LINGO2: variants seen among roughly 807,000 people sequenced by gnomAD.
LINGO2 encodes the protein leucine rich repeat and Ig domain containing 2.
Under a neutral mutation model 30.6 loss-of-function variants are expected in LINGO2, and 14 were observed. The ratio of observed to expected loss-of-function variants is 0.46; its 90% CI spans 0.30 to 0.72. The LOEUF (loss-of-function observed/expected upper bound fraction) is 0.72. LINGO2 is among the 30% of genes least tolerant of loss of function. The pLI is 0.07. For missense variants in LINGO2, 729 were observed against 751.7 expected (o/e 0.97, Z 0.35); for synonymous variants, 317 against 288.5 (o/e 1.10, Z -1.00).
At chr9:28,145,212 A>G (rs1019331262) in intron 4 of LINGO2, among the ~76,000 whole-genome samples, 1 of 152,196 alleles carries the variant, frequency 6.6e-6, no homozygotes, top group Non-Finnish European at 1.5e-5. Context: ...GGAAGCTTTA[A>G]GGGTTACTAG....
the LINGO2 span, among the ~76,000 whole-genome samples, chr9:28,993,307 C>T: frequency 6.6e-6 from 1 of 152,116 alleles, no homozygotes; most frequent in South Asian, 2.1e-4. Flanking sequence ...CCTCCCAAGA[C>T]TAAACCAGGA....
chr9:28,582,400 T>C (rs1996774), intron 1 of LINGO2, among the ~76,000 whole-genome samples: 89,178 of 151,946 alleles, frequency 0.59, 26,570 homozygotes, highest in East Asian at 0.69. Context: ...GTGGCCATGC[T>C]TCTGAAAATC....
At chr9:28,799,744 G>C in the LINGO2 span, among the ~76,000 whole-genome samples, 5 of 152,182 alleles carry the variant, frequency 3.3e-5, no homozygotes, top group South Asian at 4.1e-4. Context: ...AAGTGAGGCA[G>C]ATAAAAAGCA....
chr9:27,965,873 A>C (rs1820076602), intron 5 of LINGO2, among the ~76,000 whole-genome samples: 1 of 152,134 alleles, frequency 6.6e-6, no homozygotes, highest in Non-Finnish European at 1.5e-5. Context: ...ATGCGACACA[A>C]AATGACCCTA....
intron 1 of LINGO2, among the ~76,000 whole-genome samples, chr9:28,529,606 CTTT>C (rs201066699): frequency 7.2e-5 from 9 of 125,260 alleles, no homozygotes; most frequent in Admixed American, 1.6e-4. Context: ...ATTGCAAATA[CTTT>C]TTTTTTTTTT....
the LINGO2 span, among the ~76,000 whole-genome samples, chr9:29,156,013 G>A: frequency 1.3e-5 from 2 of 152,050 alleles, no homozygotes; most frequent in East Asian, 3.9e-4. Flanking sequence ...AACATTCCAG[G>A]AGAAGTGATA....
the LINGO2 span, chr9:27,940,863 C>T: frequency 6.6e-6 from 1 of 152,158 alleles, no homozygotes. Flanking sequence ...TTATCTTCTT[C>T]CCATTGTTTA....
At chr9:28,126,633 C>G (rs759268440) in intron 4 of LINGO2, among the ~76,000 whole-genome samples, 3 of 152,214 alleles carry the variant, frequency 2.0e-5, no homozygotes, top group Non-Finnish European at 2.9e-5. Context: ...CTCAAAGAAA[C>G]AGGCAATCAT....
chr9:28,735,072 G>A, the LINGO2 span, among the ~76,000 whole-genome samples: 2 of 151,902 alleles, frequency 1.3e-5, no homozygotes, highest in African/African-American at 2.4e-5. Context: ...TTTATCTTCT[G>A]CAATATGTTT....
At chr9:29,164,138 A>G in the LINGO2 span, among the ~76,000 whole-genome samples, 2 of 151,898 alleles carry the variant, frequency 1.3e-5, no homozygotes, top group African/African-American at 4.8e-5. Context: ...CTCACCCACA[A>G]CCCTAGCTGA....
the LINGO2 span, among the ~76,000 whole-genome samples, chr9:28,934,003 T>A: frequency 6.6e-6 from 1 of 152,168 alleles, no homozygotes; most frequent in Non-Finnish European, 1.5e-5. Context: ...GACATAAGGA[T>A]GTGGGAATCC....
At chr9:28,036,034 GT>G (rs1194778771) in intron 4 of LINGO2, among the ~76,000 whole-genome samples, 1 of 152,156 alleles carries the variant, frequency 6.6e-6, no homozygotes, top group Non-Finnish European at 1.5e-5. Context: ...ATTTAGCAAA[GT>G]GCTTTGAGAT....
chr9:28,189,285 GAGGGAGGAAGGAAGGA>G (rs1819669417), intron 4 of LINGO2, among the ~76,000 whole-genome samples: 7 of 28,144 alleles, frequency 2.5e-4, no homozygotes, highest in Admixed American at 5.3e-4. Flanking sequence ...GGGAGGGAGG[GAGGGAGGAAGGAAGGA>G]AGGGAGGAAG....
chr9:28,132,473 G>T (rs1177450882), intron 4 of LINGO2, among the ~76,000 whole-genome samples: 1 of 152,186 alleles, frequency 6.6e-6, no homozygotes, highest in Admixed American at 6.5e-5. Context: ...GATACCAGGA[G>T]TTATAGCTGT....
intron 1 of LINGO2, among the ~76,000 whole-genome samples, chr9:28,517,753 T>C (rs1820677397): frequency 6.6e-6 from 1 of 152,094 alleles, no homozygotes; most frequent in African/African-American, 2.4e-5. Context: ...GGCACAGGCT[T>C]AGGGCTGCTT....
chr9:28,262,845 A>C (rs1412424933), intron 4 of LINGO2, among the ~76,000 whole-genome samples: 2 of 152,004 alleles, frequency 1.3e-5, no homozygotes, highest in Non-Finnish European at 2.9e-5. Context: ...TTTCAGTAAG[A>C]GACATCTCCT....
chr9:28,486,839 A>G (rs1826187240), intron 1 of LINGO2, among the ~76,000 whole-genome samples: 1 of 152,094 alleles, frequency 6.6e-6, no homozygotes, highest in Non-Finnish European at 1.5e-5. Flanking sequence ...CTATGACTAG[A>G]GATAGAGTTT....
the LINGO2 span, among the ~76,000 whole-genome samples, chr9:28,990,839 A>G: frequency 6.6e-6 from 1 of 152,296 alleles, no homozygotes; most frequent in Non-Finnish European, 1.5e-5. Context: ...GGACATCCAC[A>G]CCAAAAACCC....
At chr9:28,308,155 G>T (rs1302529512) in intron 3 of LINGO2, among the ~76,000 whole-genome samples, 1 of 131,700 alleles carries the variant, frequency 7.6e-6, no homozygotes. Flanking sequence ...AAAGCTGGAG[G>T]CATCACGCTA....
Sources: allele counts gnomAD v4.1 joint callset (sites outside exome capture counted in the v4.1 genomes callset), GRCh38; gene constraint gnomAD v4.1.1; transcripts MANE v1.5; gene names NCBI Gene and HGNC (gene_info 2026-07-23, HGNC 2026-07-21).